Variants in RNFT2 observed in about 807,000 individuals in gnomAD.
The protein encoded by RNFT2 is ring finger protein, transmembrane 2.
A neutral mutation model predicts 53.0 loss-of-function variants in RNFT2; 36 were observed. The ratio of observed to expected loss-of-function variants is 0.68; its 90% CI spans 0.52 to 0.90. The LOEUF is 0.90. RNFT2 is among the 40% of genes least tolerant of loss of function. The pLI is 0.00. For missense variants in RNFT2, 514 were observed against 585.6 expected, an observed-to-expected ratio of 0.88 and a Z score of 1.26; for synonymous variants, 260 against 253.2, an observed-to-expected ratio of 1.03 and a Z score of -0.26.
At chr12:116,756,951 G>T (rs996255851) in intron 5 of RNFT2, among the ~76,000 whole-genome samples, 2 of 152,042 alleles carry the variant, frequency 1.3e-5, no homozygotes, top group African/African-American at 4.8e-5. Flanking sequence ...AATCTGTCTG[G>T]TCCTGAACTT....
At chr12:116,751,342 A>G (rs1437628236) in intron 4 of RNFT2, among the ~76,000 whole-genome samples, 1 of 152,174 alleles carries the variant, frequency 6.6e-6, no homozygotes, top group Non-Finnish European at 1.5e-5. Context: ...TGATTCATAA[A>G]GTGCTCAGCC....
At chr12:116,805,186 C>T (rs1214584141) in intron 7 of RNFT2, among the ~76,000 whole-genome samples, 2 of 150,016 alleles carry the variant, frequency 1.3e-5, no homozygotes, top group Non-Finnish European at 2.9e-5. Context: ...CCATCACTTC[C>T]TCTATCGCCC....
chr12:116,774,335 A>T (rs1232485659), intron 6 of RNFT2, among the ~76,000 whole-genome samples: 1 of 152,254 alleles, frequency 6.6e-6, no homozygotes, highest in Non-Finnish European at 1.5e-5. Flanking sequence ...AGAAAAAAAG[A>T]TCATCTACCA....
At chr12:116,825,139 C>T (rs1204870182) in intron 7 of RNFT2, among the ~76,000 whole-genome samples, 1 of 152,124 alleles carries the variant, frequency 6.6e-6, no homozygotes, top group Non-Finnish European at 1.5e-5. Context: ...TATCTGGGGC[C>T]TCAGTTCTCA....
intron 5 of RNFT2, among the ~76,000 whole-genome samples, chr12:116,762,414 AAC>A: frequency 6.6e-6 from 1 of 151,440 alleles, no homozygotes; most frequent in Admixed American, 6.6e-5. Flanking sequence ...AAAAAAAAAA[AAC>A]AAAGAAAGAA....
At chr12:116,812,387 C>T (rs941810804) in intron 7 of RNFT2, among the ~76,000 whole-genome samples, 3 of 152,136 alleles carry the variant, frequency 2.0e-5, no homozygotes, top group Non-Finnish European at 4.4e-5. Context: ...GGAGGGACAG[C>T]TCTGTTCCCT....
At chr12:116,840,922 CTGTGTG>C (rs34358849) in intron 10 of RNFT2, among the ~76,000 whole-genome samples, 1 of 149,020 alleles carries the variant, frequency 6.7e-6, no homozygotes, top group Admixed American at 6.7e-5. Flanking sequence ...GGGTATGTGT[CTGTGTG>C]TGTGTGTGTG....
At chr12:116,821,049 T>G (rs1311548593) in intron 7 of RNFT2, among the ~76,000 whole-genome samples, 1 of 152,118 alleles carries the variant, frequency 6.6e-6, no homozygotes, top group Non-Finnish European at 1.5e-5. Context: ...AGAGGAGCAA[T>G]TGGTGTGCCG....
At chr12:116,758,780 C>T (rs565693348) in intron 5 of RNFT2, among the ~76,000 whole-genome samples, 109 of 152,314 alleles carry the variant, frequency 7.2e-4, no homozygotes, top group Admixed American at 2.2e-3. Flanking sequence ...TTCTGTCTCA[C>T]AGCTCTTAAG....
intron 6 of RNFT2, among the ~76,000 whole-genome samples, chr12:116,778,797 C>A (rs1406033818): frequency 6.6e-6 from 1 of 152,202 alleles, no homozygotes; most frequent in Admixed American, 6.5e-5. Flanking sequence ...TTGCAGTGAG[C>A]CGAGATCATG....
intron 7 of RNFT2, among the ~76,000 whole-genome samples, chr12:116,803,273 G>A (rs1208211734): frequency 6.6e-6 from 1 of 152,102 alleles, no homozygotes; most frequent in Admixed American, 6.5e-5. Context: ...TGCCACGGGG[G>A]TGATGTTTTA....
In RNFT2 at chr12:116,781,502, A is replaced by G. The variant is rs550380460; in HGVS notation, c.882+2154A>G. 8.5e-5 allele frequency among the ~76,000 whole-genome samples: 13 copies of G among 152,240 alleles called. 1 individual carries two copies. The South Asian group carries it at 2.7e-3, about 32-fold the overall frequency. On this transcript the variant is annotated intron_variant, in intron 7 of 10. Transcript: ENST00000257575. The stretch of plus-strand genomic sequence containing the variant: ...AGGTTAGGAGTCCAAAGTGGGTTTT[A>G]CTGCGGTGAAAACAGAAGTTTTGGC...
rs1479257914 is a variant in RNFT2 at position 116,816,760 on chromosome 12, A to G, written c.883-17032A>G. ...CCCCCTCATGGGGTTGTTATAGTCTATTTTTAAAGTGGGTAAGCAAAATTT... is the reference window on the plus strand; with the variant it reads ...CCCCCTCATGGGGTTGTTATAGTCTGTTTTTAAAGTGGGTAAGCAAAATTT... On this transcript the variant is annotated intron_variant, in intron 7 of 10. Transcript: ENST00000257575. Among the ~76,000 whole-genome samples the G allele has an allele frequency of 2.0e-5, 3 of 152,174 alleles. No individual in the cohort carries two copies. In the East Asian group the frequency reaches 5.8e-4, roughly 29 times the overall value.
chr12:116,790,694 T>C (rs1237858282), intron 7 of RNFT2, among the ~76,000 whole-genome samples: 1 of 152,242 alleles, frequency 6.6e-6, no homozygotes, highest in Non-Finnish European at 1.5e-5. Flanking sequence ...CAATGGCTCA[T>C]GCCTGTTATC....
intron 7 of RNFT2, among the ~76,000 whole-genome samples, chr12:116,815,006 G>T (rs1592975073): frequency 6.6e-6 from 1 of 152,270 alleles, no homozygotes; most frequent in South Asian, 2.1e-4. Flanking sequence ...AAAGTGCTGG[G>T]ATTACAGACA....
At chr12:116,783,440 G>A (rs1231046319) in intron 7 of RNFT2, among the ~76,000 whole-genome samples, 1 of 152,210 alleles carries the variant, frequency 6.6e-6, no homozygotes, top group African/African-American at 2.4e-5. Context: ...GAAGGTCTGA[G>A]AGCTATACTG....
At chr12:116,801,665 T>C (rs1592967074) in intron 7 of RNFT2, among the ~76,000 whole-genome samples, 2 of 152,216 alleles carry the variant, frequency 1.3e-5, no homozygotes, top group East Asian at 3.8e-4. Context: ...CATCTGTTTA[T>C]AATTTAAAGT....
intron 7 of RNFT2, chr12:116,801,348 T>C (rs757835519): frequency 3.3e-5 from 5 of 152,246 alleles, no homozygotes; most frequent in Non-Finnish European, 7.3e-5. Context: ...TACCTCCCTT[T>C]CTGTTGCCAG....
At chr12:116,774,068 T>C (rs1016172633) in intron 6 of RNFT2, among the ~76,000 whole-genome samples, 1 of 152,212 alleles carries the variant, frequency 6.6e-6, no homozygotes, top group African/African-American at 2.4e-5. Flanking sequence ...AAGTGTATGA[T>C]TTCACTTACA....
Sources: gnomAD v4.1 joint callset for allele counts (sites outside exome capture counted in the v4.1 genomes callset) on GRCh38, gnomAD v4.1.1 for gene constraint, MANE v1.5 for transcripts, NCBI Gene and HGNC (gene_info 2026-07-23, HGNC 2026-07-21) for gene names.